RXRA: variants seen among roughly 807,000 people sequenced by gnomAD.
RXRA encodes retinoid X receptor alpha.
In RXRA, 5 loss-of-function variants were observed where a neutral mutation model predicts 44.5. That is an observed-to-expected ratio of 0.11 (90% CI 0.06 to 0.24). RXRA has a LOEUF of 0.24. Among genes scored for constraint, RXRA ranks in the 10% least tolerant of loss-of-function variants. The probability of loss-of-function intolerance (pLI) is 1.00; values close to 1 mark genes in which losing one functional copy is unlikely to be tolerated. For missense variants in RXRA, 412 were observed against 646.5 expected (o/e 0.64, Z 3.93); for synonymous variants, 291 against 271.4 (o/e 1.07, Z -0.71).
rs532693907 is a variant in RXRA at position 134,387,804 on chromosome 9, C to T, written c.29-13828C>T. On this transcript the variant is annotated intron_variant, in intron 1 of 9. Transcript: ENST00000481739. ...AGCCTGTCCTGGGCATCTCTGGGCT[C>T]AGCTTCTCCCCTTTTCCCCAAGCCC... 9.8e-5 allele frequency among the ~76,000 whole-genome samples: 15 copies of T among 152,334 alleles called. No homozygotes were observed. In the East Asian group the frequency reaches 2.5e-3, roughly 25 times the overall value.
At chr9:134,430,206 A>C (rs1014240421) in intron 7 of RXRA, among the ~76,000 whole-genome samples, 6 of 152,132 alleles carry the variant, frequency 3.9e-5, no homozygotes, top group Admixed American at 2.0e-4. Context: ...GTCTTTCTCC[A>C]CGAGTCTAGA....
intron 6 of RXRA, chr9:134,424,644 A>G: frequency 8.1e-6 from 8 of 985,440 alleles, no homozygotes; most frequent in Non-Finnish European, 9.6e-6. Context: ...CCCAAGCCCC[A>G]GTAAGGTCCA....
chr9:134,356,330 C>T (rs1262913110), intron 1 of RXRA, among the ~76,000 whole-genome samples: 3 of 152,104 alleles, frequency 2.0e-5, no homozygotes, highest in African/African-American at 7.2e-5. Context: ...TGGTAAAAAG[C>T]GGGGAAGAGT....
At chr9:134,354,299 A>G (rs1830257108) in intron 1 of RXRA, among the ~76,000 whole-genome samples, 1 of 152,182 alleles carries the variant, frequency 6.6e-6, no homozygotes, top group Non-Finnish European at 1.5e-5. Flanking sequence ...GGAGCTTAGT[A>G]CCGCAGCTGC....
intron 1 of RXRA, among the ~76,000 whole-genome samples, chr9:134,353,553 C>T (rs1268033317): frequency 6.6e-6 from 1 of 152,240 alleles, no homozygotes; most frequent in Non-Finnish European, 1.5e-5. Flanking sequence ...GGTGCCCCAG[C>T]AGCTTCCACG....
chr9:134,368,787 T>C (rs1178570230), intron 1 of RXRA, among the ~76,000 whole-genome samples: 1 of 151,318 alleles, frequency 6.6e-6, no homozygotes, highest in East Asian at 1.9e-4. Flanking sequence ...TTTGGGTGTG[T>C]GCATGTGACT....
chr9:134,391,132 A>G (rs1455323993), intron 1 of RXRA, among the ~76,000 whole-genome samples: 2 of 152,182 alleles, frequency 1.3e-5, no homozygotes, highest in African/African-American at 4.8e-5. Context: ...TGTCCCCCAG[A>G]GAGGCCGGCC....
At chr9:134,350,982 G>A (rs572000166) in intron 1 of RXRA, among the ~76,000 whole-genome samples, 11 of 152,360 alleles carry the variant, frequency 7.2e-5, no homozygotes, top group South Asian at 4.1e-4. Context: ...AGCAAGGGGG[G>A]GCTGAGCATC....
chr9:134,395,672 G>T (rs944975293), intron 1 of RXRA, among the ~76,000 whole-genome samples: 1 of 152,212 alleles, frequency 6.6e-6, no homozygotes, highest in Non-Finnish European at 1.5e-5. Context: ...TGGCCGAGGT[G>T]GGGGGCTGGA....
chr9:134,359,442 C>G (rs1281349500), intron 1 of RXRA, among the ~76,000 whole-genome samples: 1 of 152,200 alleles, frequency 6.6e-6, no homozygotes, highest in Non-Finnish European at 1.5e-5. Context: ...TCGTGCCTCC[C>G]ACCCTTCCTC....
intron 1 of RXRA, among the ~76,000 whole-genome samples, chr9:134,395,666 C>T (rs912141510): frequency 1.3e-5 from 2 of 152,196 alleles, no homozygotes; most frequent in Admixed American, 6.5e-5. Flanking sequence ...TAGGCCTGGC[C>T]GAGGTGGGGG....
Position 134,366,798 on chromosome 9 carries a change from G to A in RXRA, c.29-34834G>A, listed in dbSNP as rs139646354. Among the ~76,000 whole-genome samples the A allele has an allele frequency of 5.1e-4, 77 of 152,320 alleles. No homozygotes were observed. Among genetic ancestry groups the A allele is most frequent in the African/African-American group, 1.8e-3 (73 of 41,568 alleles). On this transcript the variant is annotated intron_variant, in intron 1 of 9. Coordinates refer to ENST00000481739, the MANE Select transcript of RXRA (RefSeq NM_002957.6). This position sits in a 1 kb window ranked among gnomAD's most constrained non-coding sequence, Gnocchi z 5.9. ...CATGTTTCACGTAGGCCACCCTAAG[G>A]TCCACAGATGCCTGGGGACAAGGAT...
In RXRA at chr9:134,426,595, G is replaced by A. The variant is rs989956853; in HGVS notation, c.911-2513G>A. On this transcript the variant is annotated intron_variant, in intron 6 of 9. Transcript: ENST00000481739. This position sits in a 1 kb window ranked among gnomAD's most constrained non-coding sequence, Gnocchi z 4.6. ...GAGGGCCGCACCTCGGCTCAGCAGC[G>A]CCTTCTGACCCCAGCCGTGCACTAG... 16 of 985,290 alleles carry A rather than the reference G, an allele frequency of 1.6e-5. No individual in the cohort carries two copies. In the African/African-American group the frequency reaches 1.7e-4, roughly 11 times the overall value. The allele number at this position is 985,290 out of a possible 1,614,324, so 61.0% of individuals were successfully genotyped here.
At chr9:134,398,879 G>T (rs12004589) in intron 1 of RXRA, among the ~76,000 whole-genome samples, 19,646 of 152,266 alleles carry the variant, frequency 0.13, 1,356 homozygotes, top group South Asian at 0.17. Flanking sequence ...TGGGCTCCCT[G>T]CATGGCCCGG....
In RXRA at chr9:134,366,219, G is replaced by A. The variant is rs1830412912; in HGVS notation, c.29-35413G>A. Among the ~76,000 whole-genome samples, 1 of 152,154 alleles carries A rather than the reference G, an allele frequency of 6.6e-6. No homozygotes were observed. Among genetic ancestry groups the A allele is most frequent in the South Asian group, 2.1e-4 (1 of 4,836 alleles). On this transcript the variant is annotated intron_variant, in intron 1 of 9. Transcript: ENST00000481739. The surrounding 1 kb of genome is among the most constrained non-coding windows in gnomAD (Gnocchi z 5.9). ...GTGGCATGTTCTGGGCTGTGTGTGGGGCCAGGGAGGGTGTCTTCAGCACAG... is the reference window on the plus strand; with the variant it reads ...GTGGCATGTTCTGGGCTGTGTGTGGAGCCAGGGAGGGTGTCTTCAGCACAG...
intron 4 of RXRA, among the ~76,000 whole-genome samples, chr9:134,413,325 TGTG>T (rs1382520013): frequency 6.6e-6 from 1 of 151,234 alleles, no homozygotes; most frequent in African/African-American, 2.4e-5. Flanking sequence ...ATGTCTGTGG[TGTG>T]GTATGTGTGG....
At chr9:134,351,231 G>A (rs1176327326) in intron 1 of RXRA, among the ~76,000 whole-genome samples, 1 of 152,222 alleles carries the variant, frequency 6.6e-6, no homozygotes, top group African/African-American at 2.4e-5. Flanking sequence ...TAGGAGGCCC[G>A]GCGGGAAATC....
chr9:134,396,786 T>G (rs1001238351), intron 1 of RXRA, among the ~76,000 whole-genome samples: 3 of 152,188 alleles, frequency 2.0e-5, no homozygotes. Flanking sequence ...GATTGGATGG[T>G]CCGGGTGTCC....
At chr9:134,354,645 G>T (rs369866911) in intron 1 of RXRA, among the ~76,000 whole-genome samples, 13 of 152,260 alleles carry the variant, frequency 8.5e-5, no homozygotes, top group East Asian at 3.8e-4. Flanking sequence ...CCCTGCTGGT[G>T]GAGATGGCCT....
Sources: allele counts gnomAD v4.1 joint callset (sites outside exome capture counted in the v4.1 genomes callset), GRCh38; gene constraint gnomAD v4.1.1; non-coding constraint Gnocchi (gnomAD v3.1); transcripts MANE v1.5; gene names NCBI Gene and HGNC (gene_info 2026-07-23, HGNC 2026-07-21).